RAB3GAP1: variants seen among roughly 807,000 people sequenced by gnomAD.
The protein encoded by RAB3GAP1 is RAB3 GTPase activating protein catalytic subunit 1, also known as rab3 GTPase-activating protein catalytic subunit.
In RAB3GAP1, 86 loss-of-function variants were observed where a neutral mutation model predicts 130.7. The ratio of observed to expected loss-of-function variants is 0.66; its 90% confidence interval spans 0.55 to 0.79. The LOEUF is 0.79. Ranked by LOEUF, RAB3GAP1 falls within the 30% of genes least tolerant of loss-of-function variation. The pLI, the probability that RAB3GAP1 is intolerant of heterozygous loss-of-function variation, is 0.00. For missense variants in RAB3GAP1, 1,029 were observed against 1,169.4 expected, an observed-to-expected ratio of 0.88 and a Z score of 1.75; for synonymous variants, 367 against 401.7, an observed-to-expected ratio of 0.91 and a Z score of 1.03.
chr2:135,106,174 G>GA (rs1272972772), intron 5 of RAB3GAP1, among the ~76,000 whole-genome samples: 3 of 152,050 alleles, frequency 2.0e-5, no homozygotes, highest in Non-Finnish European at 2.9e-5. Context: ...CCCCGTCCGG[G>GA]AGGTGGGGGG....
intron 17 of RAB3GAP1, among the ~76,000 whole-genome samples, chr2:135,145,085 CATA>C (rs1445766065): frequency 6.6e-6 from 1 of 152,076 alleles, no homozygotes; most frequent in Non-Finnish European, 1.5e-5. Flanking sequence ...CTTATTGGTA[CATA>C]ATATTTGTAC....
chr2:135,136,972 C>A, intron 17 of RAB3GAP1: 1 of 227,722 alleles, frequency 4.4e-6, no homozygotes, highest in Non-Finnish European at 8.9e-6. Context: ...TCTGTAGTTG[C>A]AGCTACTCAG....
At chr2:135,166,242 C>T (rs1375307403) in intron 23 of RAB3GAP1, among the ~76,000 whole-genome samples, 1 of 151,936 alleles carries the variant, frequency 6.6e-6, no homozygotes, top group Admixed American at 6.6e-5. Flanking sequence ...GAGATTGTTA[C>T]TTATTTTAGA....
intron 6 of RAB3GAP1, 60 bp downstream of exon 6, chr2:135,113,330 G>A (rs1436754938): frequency 3.2e-6 from 5 of 1,578,526 alleles, no homozygotes; most frequent in Non-Finnish European, 4.4e-6. Context: ...AATTTATGAA[G>A]GCAAACAGTT....
At position 135,157,515 on chromosome 2, in the gene RAB3GAP1, G is replaced by T. The variant is rs1468002456; in HGVS notation, c.2289+3639G>T. Among the ~76,000 whole-genome samples the T allele has an allele frequency of 2.0e-5, 3 of 152,142 alleles. No individual in the cohort carries two copies. In the East Asian group the frequency reaches 5.8e-4, roughly 29 times the overall value. ...AAATGTGTTTGACTGTATACTGTCAGTTGTGGTGGGGGATGGGACTGCAAG... is the reference window on the plus strand; with the variant it reads ...AAATGTGTTTGACTGTATACTGTCATTTGTGGTGGGGGATGGGACTGCAAG... On this transcript the variant is annotated intron_variant, in intron 19 of 23. Transcript: ENST00000264158.
At chr2:135,144,079 C>T (rs551436731) in intron 17 of RAB3GAP1, among the ~76,000 whole-genome samples, 23 of 152,288 alleles carry the variant, frequency 1.5e-4, no homozygotes, top group Non-Finnish European at 2.4e-4. Context: ...GTGCTCTGTC[C>T]GCCAGGCTTG....
intron 7 of RAB3GAP1, 21 bp from the exon 8 acceptor site, chr2:135,120,798 G>A (rs774245640): frequency 6.6e-7 from 1 of 1,506,480 alleles, no homozygotes; most frequent in Non-Finnish European, 9.2e-7. Context: ...ACACGGTATT[G>A]TCTTTGCATG....
At chr2:135,073,261 C>T (rs1160912503) in intron 3 of RAB3GAP1, among the ~76,000 whole-genome samples, 1 of 152,114 alleles carries the variant, frequency 6.6e-6, no homozygotes, top group Non-Finnish European at 1.5e-5. Context: ...CATTACCCAG[C>T]AGGATTTGGA....
At chr2:135,109,134 A>G (rs1266862508) in intron 5 of RAB3GAP1, among the ~76,000 whole-genome samples, 2 of 150,560 alleles carry the variant, frequency 1.3e-5, no homozygotes, top group East Asian at 3.9e-4. Context: ...CTTCTTCTTC[A>G]ATATTTTATT....
chr2:135,139,547 T>G (rs1311335820), intron 17 of RAB3GAP1, among the ~76,000 whole-genome samples: 4 of 140,426 alleles, frequency 2.8e-5, no homozygotes, highest in Non-Finnish European at 6.2e-5. Context: ...TCTCAAAAAT[T>G]AAAAAAAAAA....
intron 17 of RAB3GAP1, 97 bp downstream of exon 17, chr2:135,136,029 A>G (rs534333639): frequency 6.6e-7 from 1 of 1,523,870 alleles, no homozygotes; most frequent in African/African-American, 1.4e-5. Flanking sequence ...AAATTATCCA[A>G]AAAGTCTATG....
intron 3 of RAB3GAP1, among the ~76,000 whole-genome samples, chr2:135,070,365 C>T (rs1174945696): frequency 6.6e-6 from 1 of 152,150 alleles, no homozygotes; most frequent in South Asian, 2.1e-4. Flanking sequence ...AGTTAGAGTT[C>T]AACCAGTTTA....
intron 19 of RAB3GAP1, among the ~76,000 whole-genome samples, chr2:135,155,044 A>G (rs573565601): frequency 1.3e-5 from 2 of 152,316 alleles, no homozygotes; most frequent in East Asian, 3.9e-4. Context: ...TTCCCAGAAA[A>G]TCAGTCACAA....
intron 22 of RAB3GAP1, 93 bp downstream of exon 22, chr2:135,163,194 G>A (rs1400157430): frequency 3.6e-6 from 3 of 842,376 alleles, no homozygotes; most frequent in African/African-American, 3.3e-5. Flanking sequence ...AGACTCTTTT[G>A]TGGTAATCAT....
intron 19 of RAB3GAP1, among the ~76,000 whole-genome samples, chr2:135,155,126 A>T (rs1692274900): frequency 6.6e-6 from 1 of 152,198 alleles, no homozygotes; most frequent in South Asian, 2.1e-4. Flanking sequence ...AGGATATGAA[A>T]AAACCATGTT....
intron 13 of RAB3GAP1, among the ~76,000 whole-genome samples, chr2:135,130,926 A>G (rs919915538): frequency 2.0e-5 from 3 of 152,226 alleles, no homozygotes; most frequent in Admixed American, 2.0e-4. Context: ...AAATCTGGCA[A>G]GGGGGCTGTG....
At chr2:135,166,481 T>C (rs1692655548) in intron 23 of RAB3GAP1, among the ~76,000 whole-genome samples, 1 of 152,142 alleles carries the variant, frequency 6.6e-6, no homozygotes, top group African/African-American at 2.4e-5. Context: ...CCCAAGAAGC[T>C]GGAGCCACAG....
intron 5 of RAB3GAP1, among the ~76,000 whole-genome samples, chr2:135,099,445 G>A (rs756140289): frequency 3.3e-5 from 5 of 150,708 alleles, no homozygotes; most frequent in African/African-American, 4.9e-5. Flanking sequence ...GTGTGTGTGT[G>A]TGTGTGTGTG....
intron 5 of RAB3GAP1, among the ~76,000 whole-genome samples, chr2:135,110,492 G>A (rs565948010): frequency 9.2e-4 from 140 of 152,312 alleles, no homozygotes; most frequent in Middle Eastern, 3.4e-3. Flanking sequence ...CAGTAGAATG[G>A]ATGGGGGGAG....
Sources: allele counts gnomAD v4.1 joint callset (sites outside exome capture counted in the v4.1 genomes callset), GRCh38; gene constraint gnomAD v4.1.1; transcripts MANE v1.5; gene names NCBI Gene and HGNC (gene_info 2026-07-23, HGNC 2026-07-21).